The following IGF1 variants were observed in gnomAD, a reference collection of about 807,000 sequenced individuals.
IGF1 encodes the protein insulin-like growth factor 1.
IGF1 carries 4 observed loss-of-function variants against 13.8 expected under a neutral mutation model. The observed-to-expected ratio is 0.29, with a 90% CI of 0.14 to 0.66. The LOEUF is 0.66. Among genes scored for constraint, IGF1 ranks in the 30% least tolerant of loss-of-function variants. The pLI, the probability that IGF1 is intolerant of heterozygous loss-of-function variation, is 0.78. For missense variants in IGF1, 124 were observed against 188.5 expected (o/e 0.66, Z 2.00); for synonymous variants, 76 against 72.6 (o/e 1.05, Z -0.23).
chr12:102,399,950 C>A lies in IGF1; in HGVS notation c.*2557G>T, dbSNP rs935583514. 1 of 152,034 alleles carries A rather than the reference C, an allele frequency of 6.6e-6. No individual in the cohort carries two copies. The highest frequency in any genetic ancestry group is 2.4e-5 in the African/African-American group (1 of 41,418). 9.4% of individuals were successfully genotyped at this position (152,034 alleles called of 1,614,324 possible). A position where few individuals can be genotyped will look rare whatever the true frequency, so the allele number is the denominator to read the frequency against. On this transcript the variant is annotated 3_prime_UTR_variant, in exon 4 of 4. Coordinates refer to ENST00000337514, the MANE Select transcript of IGF1 (RefSeq NM_000618.5). ...GTATGTCTGGAAAACAGGCAGAGGG[C>A]AAAAATGATGTATAGTTTCTTTTAC...
Position 102,397,138 on chromosome 12 carries a change from G to A in IGF1, c.*5369C>T, listed in dbSNP as rs1168281907. On this transcript the variant is annotated 3_prime_UTR_variant, in exon 4 of 4. Transcript: ENST00000337514. ...AATCGCTTAAACCCAGGAGGTGGAGGTTGCAGTGAGCCGAGATCATGCCAC... is the reference window on the plus strand; with the variant it reads ...AATCGCTTAAACCCAGGAGGTGGAGATTGCAGTGAGCCGAGATCATGCCAC... 3.6e-6 allele frequency: 1 copy of A among 280,414 alleles called. No homozygotes were observed. Among genetic ancestry groups the A allele is most frequent in the African/African-American group, 2.2e-5 (1 of 45,632 alleles). The allele number at this position is 280,414 out of a possible 1,614,324, so 17.4% of individuals were successfully genotyped here.
intron 3 of IGF1, among the ~76,000 whole-genome samples, chr12:102,406,285 C>T (rs1043378488): frequency 2.0e-5 from 3 of 152,204 alleles, no homozygotes; most frequent in Non-Finnish European, 4.4e-5. Context: ...GCCAGCCACC[C>T]TTGACAATGG....
At chr12:102,444,015 T>C (rs1878089492) in intron 2 of IGF1, among the ~76,000 whole-genome samples, 1 of 151,774 alleles carries the variant, frequency 6.6e-6, no homozygotes, top group South Asian at 2.1e-4. Context: ...TTAGTAAAGA[T>C]GGGGTTTCAC....
rs5742633 is a variant in IGF1 at position 102,455,334 on chromosome 12, A to G, written c.220+20309T>C. 3.1e-3 allele frequency among the ~76,000 whole-genome samples: 471 copies of G among 152,336 alleles called. 1 individual carries two copies. The highest frequency in any genetic ancestry group is 0.01 in the African/African-American group (416 of 41,582). On this transcript the variant is annotated intron_variant, in intron 2 of 3. Transcript: ENST00000337514. Reference sequence around the variant, plus strand: ...CTGATGAGAGCTGGGCTGTTGAGCAATGCCACTTGGAAGAGAGAGGTCACA... The same window carrying G: ...CTGATGAGAGCTGGGCTGTTGAGCAGTGCCACTTGGAAGAGAGAGGTCACA...
At chr12:102,424,851 G>A (rs1203475419) in intron 2 of IGF1, among the ~76,000 whole-genome samples, 3 of 152,054 alleles carry the variant, frequency 2.0e-5, no homozygotes, top group Non-Finnish European at 2.9e-5. Flanking sequence ...CATAGGATTT[G>A]CATTTACTTG....
At chr12:102,417,224 A>AAGC (rs56675877) in intron 3 of IGF1, among the ~76,000 whole-genome samples, 1 of 151,838 alleles carries the variant, frequency 6.6e-6, no homozygotes, top group Non-Finnish European at 1.5e-5. Context: ...AAAGATGAAG[A>AAGC]GTGCAGTGAC....
At chr12:102,435,574 T>G (rs1223272670) in intron 2 of IGF1, among the ~76,000 whole-genome samples, 1 of 152,212 alleles carries the variant, frequency 6.6e-6, no homozygotes, top group Non-Finnish European at 1.5e-5. Context: ...ATGGAATTAT[T>G]CTCACTTTTA....
intron 3 of IGF1, among the ~76,000 whole-genome samples, chr12:102,408,397 G>A (rs1038703508): frequency 6.6e-6 from 1 of 152,198 alleles, no homozygotes; most frequent in African/African-American, 2.4e-5. Flanking sequence ...CAGGCAAAGC[G>A]AGGGTCATGC....
chr12:102,477,342 A>C (rs926166077), intron 1 of IGF1, among the ~76,000 whole-genome samples: 7 of 152,096 alleles, frequency 4.6e-5, no homozygotes, highest in African/African-American at 1.4e-4. Context: ...AATGGTTGTA[A>C]AGCAGTTGAA....
intron 2 of IGF1, among the ~76,000 whole-genome samples, chr12:102,441,958 T>TCTTCTTC (rs1555244184): frequency 2.4e-5 from 1 of 41,160 alleles, no homozygotes; most frequent in African/African-American, 1.0e-4. Flanking sequence ...TCTTCTTCTT[T>TCTTCTTC]TTTTTTTTTG....
At chr12:102,469,100 C>T (rs962924244) in intron 2 of IGF1, among the ~76,000 whole-genome samples, 1 of 152,200 alleles carries the variant, frequency 6.6e-6, no homozygotes, top group Non-Finnish European at 1.5e-5. Context: ...TACCAATGGT[C>T]TTCAAACAGC....
At chr12:102,410,406 A>G (rs1437487519) in intron 3 of IGF1, among the ~76,000 whole-genome samples, 1 of 152,186 alleles carries the variant, frequency 6.6e-6, no homozygotes, top group Non-Finnish European at 1.5e-5. Flanking sequence ...TCGCAGAGGG[A>G]GTTGATTTTG....
Position 102,464,364 on chromosome 12 carries a change from G to T in IGF1, c.220+11279C>A, listed in dbSNP as rs142942897. ...TCCAAAATGATGTCAGTAGCAAATT[G>T]TAAGTCATGGTATATATTCTGGGGA... On this transcript the variant is annotated intron_variant, in intron 2 of 3. Coordinates refer to ENST00000337514, the MANE Select transcript of IGF1 (RefSeq NM_000618.5). Among the ~76,000 whole-genome samples, 440 of 151,256 alleles carry T rather than the reference G, an allele frequency of 2.9e-3. 1 individual carries two copies. Among genetic ancestry groups the T allele is most frequent in the African/African-American group, 0.01 (421 of 41,138 alleles).
intron 2 of IGF1, among the ~76,000 whole-genome samples, chr12:102,433,130 G>A (rs1020481179): frequency 6.6e-6 from 1 of 152,018 alleles, no homozygotes; most frequent in African/African-American, 2.4e-5. Context: ...CCTTTGTTTG[G>A]GTCATGATAT....
chr12:102,433,134 A>G (rs1876889008), intron 2 of IGF1, among the ~76,000 whole-genome samples: 1 of 152,186 alleles, frequency 6.6e-6, no homozygotes, highest in Non-Finnish European at 1.5e-5. Flanking sequence ...TGTTTGGGTC[A>G]TGATATCCCT....
intron 2 of IGF1, among the ~76,000 whole-genome samples, chr12:102,436,708 ATTTTTTATTTAT>A (rs1877258237): frequency 6.6e-6 from 1 of 152,212 alleles, no homozygotes; most frequent in African/African-American, 2.4e-5. Flanking sequence ...AAAAATTATA[ATTTTTTATTTAT>A]CAGTTAGGTT....
intron 3 of IGF1, among the ~76,000 whole-genome samples, chr12:102,403,073 T>C (rs1873821827): frequency 6.6e-6 from 1 of 152,214 alleles, no homozygotes; most frequent in Non-Finnish European, 1.5e-5. Flanking sequence ...TAGGAAATCT[T>C]ATAATTAATT....
chr12:102,449,459 G>C (rs983661708), intron 2 of IGF1, among the ~76,000 whole-genome samples: 3 of 151,714 alleles, frequency 2.0e-5, no homozygotes, highest in Non-Finnish European at 4.4e-5. Flanking sequence ...CGGCTTGATG[G>C]GTGCAGTAAA....
intron 2 of IGF1, among the ~76,000 whole-genome samples, chr12:102,420,460 C>A (rs1473300043): frequency 6.6e-6 from 1 of 152,202 alleles, no homozygotes; most frequent in African/African-American, 2.4e-5. Context: ...CATAGCACAG[C>A]ACCTGACATA....
Sources: allele counts gnomAD v4.1 joint callset (sites outside exome capture counted in the v4.1 genomes callset), GRCh38; gene constraint gnomAD v4.1.1; transcripts MANE v1.5; gene names NCBI Gene and HGNC (gene_info 2026-07-23, HGNC 2026-07-21).